HEATR5B: variants seen among roughly 807,000 people sequenced by gnomAD.
The protein encoded by HEATR5B is HEAT repeat-containing protein 5B.
Under a neutral mutation model 224.1 loss-of-function variants are expected in HEATR5B, and 156 were observed. The observed-to-expected ratio is 0.70, with a 90% CI of 0.61 to 0.80. HEATR5B has a LOEUF of 0.80. Among genes scored for constraint, HEATR5B ranks in the 30% least tolerant of loss-of-function variants. The pLI is 0.00. For missense variants in HEATR5B, 2,323 were observed against 2,535.5 expected, an observed-to-expected ratio of 0.92 and a Z score of 1.80; for synonymous variants, 1,027 against 893.0, an observed-to-expected ratio of 1.15 and a Z score of -2.68.
At chr2:37,048,192 T>G (rs1242850704) in intron 18 of HEATR5B, among the ~76,000 whole-genome samples, 1 of 151,492 alleles carries the variant, frequency 6.6e-6, no homozygotes, top group Non-Finnish European at 1.5e-5. Flanking sequence ...CACATTGTTT[T>G]TTTTTTTTTT....
At chr2:36,982,153 G>A (rs1194440565) in intron 35 of HEATR5B, among the ~76,000 whole-genome samples, 1 of 152,018 alleles carries the variant, frequency 6.6e-6, no homozygotes, top group Non-Finnish European at 1.5e-5. Context: ...ATTGGAGTGA[G>A]GAACAGAAAC....
chr2:37,063,288 G>A (rs912083710), intron 10 of HEATR5B, among the ~76,000 whole-genome samples: 4 of 152,142 alleles, frequency 2.6e-5, no homozygotes, highest in Admixed American at 6.5e-5. Context: ...AATAAGAGGG[G>A]AGATGAAACT....
At chr2:36,998,603 T>C (rs1666881611) in intron 33 of HEATR5B, among the ~76,000 whole-genome samples, 1 of 152,200 alleles carries the variant, frequency 6.6e-6, no homozygotes, top group Non-Finnish European at 1.5e-5. Context: ...TGCAGCAATC[T>C]TTTTAACTGG....
chr2:37,057,417 T>C lies in HEATR5B; in HGVS notation c.2123A>G (p.Asn708Ser), dbSNP rs1447149539. The C allele has an allele frequency of 3.1e-6, 5 of 1,611,738 alleles. No homozygotes were observed. Among genetic ancestry groups the C allele is most frequent in the South Asian group, 1.1e-5 (1 of 90,538 alleles). ...GGATCTGAGGAGGGAAGTAGTTGTG[T>C]TGGCTGAGTTGTCAGTCAAAGTGAA... Reference protein sequence around the residue: ...AEFTLTDNSANTTTSLLRSLC... With the variant: ...AEFTLTDNSASTTTSLLRSLC... Residue 708 changes from asparagine to serine, a missense_variant, in exon 15 of 36, where the codon AAC (asparagine) becomes AGC (serine). By Grantham distance (46) the Asn-to-Ser change is conservative. Around this residue, in one of 12 missense-constraint regions of HEATR5B, gnomAD observed 502 missense variants for 517.8 expected, o/e 0.97. Transcript: ENST00000233099.
chr2:37,044,291 A>G (rs1335008461), intron 18 of HEATR5B, among the ~76,000 whole-genome samples: 1 of 152,170 alleles, frequency 6.6e-6, no homozygotes, highest in South Asian at 2.1e-4. Context: ...TTCCCCCAAC[A>G]TCCTGGCAAC....
At chr2:37,048,338 C>A (rs1397062100) in intron 18 of HEATR5B, among the ~76,000 whole-genome samples, 2 of 152,046 alleles carry the variant, frequency 1.3e-5, no homozygotes, top group Non-Finnish European at 2.9e-5. Flanking sequence ...GTATATTCAA[C>A]CATGCCCAGC....
chr2:36,998,542 T>C (rs2148361860), intron 33 of HEATR5B, among the ~76,000 whole-genome samples: 1 of 152,326 alleles, frequency 6.6e-6, no homozygotes, highest in South Asian at 2.1e-4. Flanking sequence ...GTGTACATCC[T>C]AGAAAATCTC....
chr2:37,032,333 A>G (rs141088129), intron 22 of HEATR5B, among the ~76,000 whole-genome samples: 115 of 152,192 alleles, frequency 7.6e-4, no homozygotes, highest in African/African-American at 2.7e-3. Context: ...GGGCATGACC[A>G]TAGCTCACTG....
chr2:37,077,238 T>C (rs891037959), intron 3 of HEATR5B, among the ~76,000 whole-genome samples: 3 of 152,174 alleles, frequency 2.0e-5, no homozygotes, highest in African/African-American at 7.2e-5. Flanking sequence ...GTATTCTTGT[T>C]AGGAATACAA....
chr2:37,081,891 T>C (rs946824172), intron 2 of HEATR5B, among the ~76,000 whole-genome samples: 19 of 74,350 alleles, frequency 2.6e-4, no homozygotes, highest in Non-Finnish European at 5.2e-4. Context: ...TTCTGGGGAA[T>C]GACTAGCCTA....
chr2:37,029,117 G>C (rs941299805), intron 22 of HEATR5B, among the ~76,000 whole-genome samples, 197 bp from the exon 23 acceptor site: 1 of 152,020 alleles, frequency 6.6e-6, no homozygotes, highest in African/African-American at 2.4e-5. Context: ...GTAATACCTC[G>C]AACTGTAAAA....
chr2:36,990,310 C>T (rs1369097509), intron 34 of HEATR5B, among the ~76,000 whole-genome samples: 1 of 152,224 alleles, frequency 6.6e-6, no homozygotes, highest in African/African-American at 2.4e-5. Context: ...TAGTTTCTAG[C>T]AGGTTCATTA....
rs1348198116 is a variant in HEATR5B, at chr2:37,023,974, G to A, written c.3854-3138C>T. Among the ~76,000 whole-genome samples, 3 of 152,064 alleles carry A rather than the reference G, an allele frequency of 2.0e-5. No homozygotes were observed. The South Asian group carries it at 6.2e-4, about 31-fold the overall frequency. Reference sequence around the variant, plus strand: ...AGATATCTGCACTCTCATGTTTACTGCAGGACTATTCACAATAACTGAGAT... The same window carrying A: ...AGATATCTGCACTCTCATGTTTACTACAGGACTATTCACAATAACTGAGAT... On this transcript the variant is annotated intron_variant, in intron 24 of 35. Transcript: ENST00000233099.
intron 24 of HEATR5B, among the ~76,000 whole-genome samples, chr2:37,026,613 A>G (rs777868694): frequency 7.2e-5 from 11 of 152,308 alleles, no homozygotes; most frequent in South Asian, 2.1e-4. Context: ...CTTCTAGGCT[A>G]TAAGTTCTTC....
At chr2:36,992,792 A>G (rs62133074) in intron 33 of HEATR5B, among the ~76,000 whole-genome samples, 312 of 151,870 alleles carry the variant, frequency 2.1e-3, no homozygotes, top group Non-Finnish European at 3.7e-3. Context: ...TGCCATGATC[A>G]TAACTCACTG....
chr2:37,020,072 T>C (rs535267079), intron 25 of HEATR5B, among the ~76,000 whole-genome samples, 195 bp from the exon 26 acceptor site: 5 of 152,122 alleles, frequency 3.3e-5, no homozygotes, highest in East Asian at 1.9e-4. Context: ...GCCAGGCTAA[T>C]TTTTGTATTT....
In HEATR5B at chr2:37,038,050, A is replaced by C. The variant is rs139662639; in HGVS notation, c.3047-26T>G. The C allele has an allele frequency of 0.021, 29,828 of 1,416,594 alleles. 418 individuals are homozygous for C. The highest frequency in any genetic ancestry group is 0.038 in the South Asian group (2,370 of 63,194). 87.8% of individuals were successfully genotyped at this position (1,416,594 alleles called of 1,614,324 possible). A position where few individuals can be genotyped will look rare whatever the true frequency, so the allele number is the denominator to read the frequency against. On this transcript the variant is annotated intron_variant, in intron 20 of 35. Coordinates refer to ENST00000233099, the MANE Select transcript of HEATR5B (RefSeq NM_019024.3). ...CTGGTGCAAAATGAAAGAAAATATA[A>C]AATATAATTATTTTATTAGTACCAC... is the stretch of plus-strand genomic sequence containing the variant.
intron 31 of HEATR5B, 130 bp from the exon 32 acceptor site, chr2:37,002,702 G>T (rs993151637): frequency 3.4e-6 from 3 of 892,472 alleles, no homozygotes; most frequent in African/African-American, 3.4e-5. Flanking sequence ...GTCCTTCTCT[G>T]TATAATTCTC....
At chr2:37,046,627 G>A (rs115505529) in intron 18 of HEATR5B, among the ~76,000 whole-genome samples, 3,772 of 138,420 alleles carry the variant, frequency 0.027, 169 homozygotes, top group African/African-American at 0.096. Flanking sequence ...CAGCAACAGG[G>A]AAACTCTGTC....
Sources: gnomAD v4.1 joint callset for allele counts (sites outside exome capture counted in the v4.1 genomes callset) on GRCh38, gnomAD v4.1.1 for gene constraint, gnomAD v4.1.1 regional missense constraint, MANE v1.5 for transcripts, NCBI Gene and HGNC (gene_info 2026-07-23, HGNC 2026-07-21) for gene names.